CNTNAP2: variants seen among roughly 807,000 people sequenced by gnomAD.
CNTNAP2 encodes the protein contactin-associated protein-like 2.
Under a neutral mutation model 155.2 loss-of-function variants are expected in CNTNAP2, and 98 were observed. That is an observed-to-expected ratio of 0.63 (90% CI 0.54 to 0.75). The LOEUF (loss-of-function observed/expected upper bound fraction) is 0.75, where lower values mean the gene tolerates loss of function less well. Among genes scored for constraint, CNTNAP2 ranks in the 30% least tolerant of loss-of-function variants. The pLI is 0.00. For missense variants in CNTNAP2, 1,727 were observed against 1,688.1 expected (o/e 1.02, Z -0.40); for synonymous variants, 651 against 631.2 (o/e 1.03, Z -0.47).
At chr7:146,538,967 G>A (rs1797910954) in intron 1 of CNTNAP2, among the ~76,000 whole-genome samples, 1 of 151,998 alleles carries the variant, frequency 6.6e-6, no homozygotes, top group Non-Finnish European at 1.5e-5. Context: ...ACCCAATTCA[G>A]AACAATTAAC....
At chr7:146,534,527 A>G (rs892266815) in intron 1 of CNTNAP2, among the ~76,000 whole-genome samples, 2 of 152,132 alleles carry the variant, frequency 1.3e-5, no homozygotes, top group African/African-American at 4.8e-5. Flanking sequence ...CCACATAAAA[A>G]GACCCTATGC....
intron 12 of CNTNAP2, among the ~76,000 whole-genome samples, chr7:147,626,277 C>T (rs1794974170): frequency 6.6e-6 from 1 of 151,974 alleles, no homozygotes; most frequent in African/African-American, 2.4e-5. Flanking sequence ...GTGGGGAAGT[C>T]TATGTCCTCA....
At chr7:146,382,933 A>G (rs759042739) in intron 1 of CNTNAP2, among the ~76,000 whole-genome samples, 3 of 152,170 alleles carry the variant, frequency 2.0e-5, no homozygotes, top group South Asian at 2.1e-4. Context: ...TTAACTCCCA[A>G]TGTAACCTAT....
Position 147,315,850 on chromosome 7 carries a change from C to T in CNTNAP2, c.1498+15560C>T, listed in dbSNP as rs535978356. 1.4e-4 allele frequency among the ~76,000 whole-genome samples: 21 copies of T among 152,168 alleles called. 2 individuals are homozygous for T. The South Asian group carries it at 1.9e-3, about 14-fold the overall frequency. ...TTTATGACTGGCTTCTTTCATTTAG[C>T]ATGTTTTCAACCTTTATTCAACTGT... On this transcript the variant is annotated intron_variant, in intron 9 of 23. Transcript: ENST00000361727.
At chr7:147,181,029 A>G (rs1436551811) in intron 8 of CNTNAP2, among the ~76,000 whole-genome samples, 1 of 152,208 alleles carries the variant, frequency 6.6e-6, no homozygotes, top group African/African-American at 2.4e-5. Context: ...ACTATTTTCA[A>G]AATATTTTGA....
intron 1 of CNTNAP2, among the ~76,000 whole-genome samples, chr7:146,726,559 G>A (rs1372789337): frequency 6.6e-6 from 1 of 152,096 alleles, no homozygotes; most frequent in Non-Finnish European, 1.5e-5. Flanking sequence ...TGAATGCTAA[G>A]ATATTTTAAG....
intron 3 of CNTNAP2, among the ~76,000 whole-genome samples, chr7:146,928,474 AACAGCTCCGGTCT>A (rs1271086981): frequency 1.3e-5 from 2 of 152,184 alleles, no homozygotes; most frequent in Non-Finnish European, 1.5e-5. Flanking sequence ...GCCAAATAGG[AACAGCTCCGGTCT>A]ACAGCTCCCA....
At chr7:148,234,347 G>A (rs1796012799) in intron 20 of CNTNAP2, among the ~76,000 whole-genome samples, 1 of 152,208 alleles carries the variant, frequency 6.6e-6, no homozygotes, top group African/African-American at 2.4e-5. Context: ...AAGAAATTAA[G>A]TGATGTTACT....
intron 21 of CNTNAP2, among the ~76,000 whole-genome samples, chr7:148,345,138 G>A (rs1335045216): frequency 1.3e-5 from 2 of 152,092 alleles, no homozygotes; most frequent in African/African-American, 2.4e-5. Context: ...GAAGGAGAGG[G>A]GACTTAGGGA....
intron 21 of CNTNAP2, among the ~76,000 whole-genome samples, chr7:148,352,002 G>A (rs985560086): frequency 2.6e-5 from 4 of 152,046 alleles, no homozygotes; most frequent in Non-Finnish European, 4.4e-5. Flanking sequence ...GGGAAGAGAC[G>A]GCCTCTTCCC....
At chr7:147,083,520 TTTTATATATATATA>T (rs1334868204) in intron 4 of CNTNAP2, among the ~76,000 whole-genome samples, 1 of 116,574 alleles carries the variant, frequency 8.6e-6, no homozygotes, top group African/African-American at 2.8e-5. Context: ...GTAAACATCA[TTTTATATATATATA>T]TACATATATA....
chr7:146,702,388 T>C (rs948145324), intron 1 of CNTNAP2, among the ~76,000 whole-genome samples: 1 of 152,166 alleles, frequency 6.6e-6, no homozygotes, highest in Non-Finnish European at 1.5e-5. Context: ...AGTATTTTTA[T>C]TCTATTAAAA....
intron 1 of CNTNAP2, among the ~76,000 whole-genome samples, chr7:146,578,402 A>T (rs1010462362): frequency 1.3e-5 from 2 of 152,166 alleles, no homozygotes; most frequent in African/African-American, 4.8e-5. Context: ...CGTCTTAGAC[A>T]CATGCATGTT....
intron 1 of CNTNAP2, among the ~76,000 whole-genome samples, chr7:146,621,532 G>C (rs1410322397): frequency 6.6e-6 from 1 of 152,108 alleles, no homozygotes; most frequent in African/African-American, 2.4e-5. Context: ...GTTTTGAGGA[G>C]TACTAGTCAG....
chr7:147,638,104 T>C (rs1795211149), intron 12 of CNTNAP2, among the ~76,000 whole-genome samples: 1 of 152,228 alleles, frequency 6.6e-6, no homozygotes, highest in Non-Finnish European at 1.5e-5. Context: ...ATATATTTGA[T>C]ATGCCTCAAT....
intron 13 of CNTNAP2, chr7:147,849,760 T>C (rs755760758): frequency 2.6e-5 from 4 of 152,224 alleles, no homozygotes; most frequent in African/African-American, 4.8e-5. Context: ...GCCACATTTG[T>C]GGTCAGGAGG....
chr7:148,288,566 A>T (rs1480214446), intron 21 of CNTNAP2, among the ~76,000 whole-genome samples: 1 of 152,214 alleles, frequency 6.6e-6, no homozygotes, highest in Non-Finnish European at 1.5e-5. Context: ...TTCAAACCAT[A>T]GCATCTTCTT....
At position 146,963,764 on chromosome 7, in the gene CNTNAP2, G is replaced by C. The variant is rs565855257; in HGVS notation, c.403-80143G>C. The stretch of plus-strand genomic sequence containing the variant: ...TAAAAATTGTTTCATATTGTCCCTT[G>C]TTATCACTAAGCAATTAAAGCATTG... On this transcript the variant is annotated intron_variant, in intron 3 of 23. Coordinates refer to ENST00000361727, the MANE Select transcript of CNTNAP2 (RefSeq NM_014141.6). Among the ~76,000 whole-genome samples, 221 of 152,194 alleles carry C rather than the reference G, an allele frequency of 1.5e-3. 4 individuals carry two copies. The highest frequency in any genetic ancestry group is 5.6e-4 in the Non-Finnish European group (38 of 68,000).
intron 14 of CNTNAP2, among the ~76,000 whole-genome samples, chr7:147,923,067 T>C (rs548218689): frequency 6.7e-6 from 1 of 149,642 alleles, no homozygotes; most frequent in African/African-American, 2.5e-5. Flanking sequence ...AAGTGTCCAA[T>C]ATAATGATAA....
Sources: allele counts gnomAD v4.1 joint callset (sites outside exome capture counted in the v4.1 genomes callset), GRCh38; gene constraint gnomAD v4.1.1; transcripts MANE v1.5; gene names NCBI Gene and HGNC (gene_info 2026-07-23, HGNC 2026-07-21).